KIRREL3: variants seen among roughly 807,000 people sequenced by gnomAD.
KIRREL3 encodes the protein kin of IRRE-like protein 3.
In KIRREL3, 36 loss-of-function variants were observed where a neutral mutation model predicts 89.7. The observed-to-expected ratio is 0.40, with a 90% CI of 0.31 to 0.53. The LOEUF is 0.53. Ranked by LOEUF, KIRREL3 falls within the 20% of genes least tolerant of loss-of-function variation. The pLI is 0.49. For synonymous variants in KIRREL3, 445 were observed against 441.4 expected (o/e 1.01, Z -0.10); for missense variants, 864 against 1,056.6 (o/e 0.82, Z 2.53).
At chr11:126,874,085 A>G (rs529002514) in intron 1 of KIRREL3, among the ~76,000 whole-genome samples, 6 of 152,202 alleles carry the variant, frequency 3.9e-5, no homozygotes, top group Admixed American at 6.5e-5. Flanking sequence ...CCTATCCCCA[A>G]CCGTTACTTA....
Position 126,977,148 on chromosome 11 carries a change from T to C in KIRREL3, c.55+23307A>G, listed in dbSNP as rs1487561090. 6.6e-6 allele frequency among the ~76,000 whole-genome samples: 1 copy of C among 152,198 alleles called. No homozygotes were observed. Among genetic ancestry groups the C allele is most frequent in the African/African-American group, 2.4e-5 (1 of 41,440 alleles). ...GGCTTCAGCTCCTTCTGGGTCTTAG[T>C]GTCACTTGGCACCTTTGTTACAGGC... On this transcript the variant is annotated intron_variant, in intron 1 of 16. Transcript: ENST00000525144. This position sits in a 1 kb window ranked among gnomAD's most constrained non-coding sequence, Gnocchi z 4.7.
rs560296897 is a variant in KIRREL3, at chr11:126,994,262, A to G, written c.55+6193T>C. On this transcript the variant is annotated intron_variant, in intron 1 of 16. Coordinates refer to ENST00000525144, the MANE Select transcript of KIRREL3 (RefSeq NM_032531.4). This position sits in a 1 kb window ranked among gnomAD's most constrained non-coding sequence, Gnocchi z 5.2. ...CGTGGGAAGGCTTCCAGATGCCAGG[A>G]AAAACCTGTCCAGGGGATGCAGGCA... 1.3e-5 allele frequency among the ~76,000 whole-genome samples: 2 copies of G among 152,270 alleles called. No homozygotes were observed. The highest frequency in any genetic ancestry group is 3.9e-4 in the East Asian group (2 of 5,178).
rs984625065 is a variant in KIRREL3, at chr11:126,724,411, G to A, written c.56-161499C>T. On this transcript the variant is annotated intron_variant, in intron 1 of 16. Transcript: ENST00000525144. This position sits in a 1 kb window ranked among gnomAD's most constrained non-coding sequence, Gnocchi z 4.3. Reference sequence around the variant, plus strand: ...TATTGTCATAGCTTGTATCTCTTATGGACAAGATGCAGAGTGAGTGAGCCA... The same window carrying A: ...TATTGTCATAGCTTGTATCTCTTATAGACAAGATGCAGAGTGAGTGAGCCA... 6.6e-6 allele frequency among the ~76,000 whole-genome samples: 1 copy of A among 152,134 alleles called. No individual in the cohort carries two copies. Among genetic ancestry groups the A allele is most frequent in the Non-Finnish European group, 1.5e-5 (1 of 68,026 alleles).
rs1236144989 is a variant in KIRREL3, at chr11:126,430,659, G to A, written c.1696+760C>T. ...CAGGCTGCCGAGTGGCAGAGGAGCA[G>A]ACCCATTCTGGTGATTCATTTTTTG... On this transcript the variant is annotated intron_variant, in intron 14 of 16. Transcript: ENST00000525144. The surrounding 1 kb of genome is among the most constrained non-coding windows in gnomAD (Gnocchi z 6.6). Among the ~76,000 whole-genome samples the A allele has an allele frequency of 6.6e-6, 1 of 152,132 alleles. No individual in the cohort carries two copies. The highest frequency in any genetic ancestry group is 1.5e-5 in the Non-Finnish European group (1 of 68,030).
intron 5 of KIRREL3, among the ~76,000 whole-genome samples, chr11:126,465,279 C>T (rs531305714): frequency 1.3e-5 from 2 of 152,272 alleles, no homozygotes; most frequent in Admixed American, 6.5e-5. Context: ...CTTATGAGGG[C>T]CCCGGAAGAC....
At position 126,642,529 on chromosome 11, in the gene KIRREL3, T is replaced by C. The variant is rs1944510603; in HGVS notation, c.56-79617A>G. ...TCCCCATCCCCTTTCCTCTGCCTTTTCCAAGCAAACTCTTACTCTAGGAAA... is the reference window on the plus strand; with the variant it reads ...TCCCCATCCCCTTTCCTCTGCCTTTCCCAAGCAAACTCTTACTCTAGGAAA... On this transcript the variant is annotated intron_variant, in intron 1 of 16. Transcript: ENST00000525144. This position sits in a 1 kb window ranked among gnomAD's most constrained non-coding sequence, Gnocchi z 4.9. 6.6e-6 allele frequency among the ~76,000 whole-genome samples: 1 copy of C among 152,230 alleles called. No individual in the cohort carries two copies. The highest frequency in any genetic ancestry group is 1.5e-5 in the Non-Finnish European group (1 of 68,042).
At position 126,432,931 on chromosome 11, in the gene KIRREL3, G is replaced by A. The variant is rs755928990; in HGVS notation, c.1589-1405C>T. ...TCTGGCTGTGACACCCAGGCTGGAG[G>A]GCAGTGGCACGATCTCAGTTCACTG... On this transcript the variant is annotated intron_variant, in intron 13 of 16. Coordinates refer to ENST00000525144, the MANE Select transcript of KIRREL3 (RefSeq NM_032531.4). This position sits in a 1 kb window ranked among gnomAD's most constrained non-coding sequence, Gnocchi z 6.2. Among the ~76,000 whole-genome samples the A allele has an allele frequency of 4.1e-4, 63 of 152,104 alleles. No homozygotes were observed. The highest frequency in any genetic ancestry group is 6.8e-4 in the Non-Finnish European group (46 of 68,018).
Position 126,489,261 on chromosome 11 carries a change from G to A in KIRREL3, c.434-15795C>T, listed in dbSNP as rs1266357147. 6.6e-6 allele frequency among the ~76,000 whole-genome samples: 1 copy of A among 152,138 alleles called. No individual in the cohort carries two copies. The highest frequency in any genetic ancestry group is 1.5e-5 in the Non-Finnish European group (1 of 68,020). ...CCTGGCTCGATGGGAGCTTCCTAAG[G>A]GAAGCAGCCCTGTCATGTTCCTCTT... On this transcript the variant is annotated intron_variant, in intron 4 of 16. Transcript: ENST00000525144. This position sits in a 1 kb window ranked among gnomAD's most constrained non-coding sequence, Gnocchi z 5.5.
intron 1 of KIRREL3, among the ~76,000 whole-genome samples, chr11:126,921,580 T>TTCTATCTA (rs201891981): frequency 0.01 from 328 of 32,494 alleles, 10 homozygotes; most frequent in South Asian, 0.012. Context: ...TATATCTGTC[T>TTCTATCTA]TCTATCTATC....
At chr11:126,507,074 C>G (rs1958044803) in intron 4 of KIRREL3, among the ~76,000 whole-genome samples, 2 of 152,158 alleles carry the variant, frequency 1.3e-5, no homozygotes, top group African/African-American at 4.8e-5. Context: ...ACAATACAGA[C>G]AAATCTCAAA....
intron 2 of KIRREL3, among the ~76,000 whole-genome samples, chr11:126,533,118 A>G (rs1030223539): frequency 1.3e-5 from 2 of 152,130 alleles, no homozygotes; most frequent in Admixed American, 6.5e-5. Flanking sequence ...GTAATAGGTA[A>G]CTTTTACAGA....
chr11:126,867,521 C>T lies in KIRREL3; in HGVS notation c.55+132934G>A, dbSNP rs977383206. ...CAGCCCTTTCTGATAAGTCACTTCC[C>T]CAAACTTCCATAGCACTTCAAGTCA... On this transcript the variant is annotated intron_variant, in intron 1 of 16. Transcript: ENST00000525144. The surrounding 1 kb of genome is among the most constrained non-coding windows in gnomAD (Gnocchi z 4.7). Among the ~76,000 whole-genome samples the T allele has an allele frequency of 6.6e-6, 1 of 152,222 alleles. No individual in the cohort carries two copies. The highest frequency in any genetic ancestry group is 1.5e-5 in the Non-Finnish European group (1 of 68,036).
rs61897901 is a variant in KIRREL3 at position 126,725,560 on chromosome 11, G to A, written c.56-162648C>T. ...GCTCATCCCCAAGCTGGCTGTCCCC[G>A]TTTTCTTCTGAGTGTGTTTGTGTGC... is the stretch of plus-strand genomic sequence containing the variant. On this transcript the variant is annotated intron_variant, in intron 1 of 16. Transcript: ENST00000525144. 5.0e-4 allele frequency among the ~76,000 whole-genome samples: 76 copies of A among 152,258 alleles called. 1 individual carries two copies. The highest frequency in any genetic ancestry group is 4.8e-4 in the African/African-American group (20 of 41,524).
rs958390811 is a variant in KIRREL3, at chr11:126,905,805, C to G, written c.55+94650G>C. On this transcript the variant is annotated intron_variant, in intron 1 of 16. Coordinates refer to ENST00000525144, the MANE Select transcript of KIRREL3 (RefSeq NM_032531.4). The surrounding 1 kb of genome is among the most constrained non-coding windows in gnomAD (Gnocchi z 5.0). ...TTCGGGCGGATGCCTAACGAGCACA[C>G]TGGGGAGAGCCTCCAGTGGGGACAT... Among the ~76,000 whole-genome samples the G allele has an allele frequency of 6.6e-6, 1 of 152,200 alleles. No homozygotes were observed. Among genetic ancestry groups the G allele is most frequent in the African/African-American group, 2.4e-5 (1 of 41,444 alleles).
Position 126,544,875 on chromosome 11 carries a change from G to C in KIRREL3, c.133+17960C>G, listed in dbSNP as rs1377953987. 6.6e-6 allele frequency among the ~76,000 whole-genome samples: 1 copy of C among 152,104 alleles called. No individual in the cohort carries two copies. Among genetic ancestry groups the C allele is most frequent in the African/African-American group, 2.4e-5 (1 of 41,404 alleles). On this transcript the variant is annotated intron_variant, in intron 2 of 16. Coordinates refer to ENST00000525144, the MANE Select transcript of KIRREL3 (RefSeq NM_032531.4). The surrounding 1 kb of genome is among the most constrained non-coding windows in gnomAD (Gnocchi z 5.6). ...GTCTGTCTTTGTTTGGCCATGCACT[G>C]TCTAAACTCCTCTAACCTATTTAGG...
chr11:126,976,872 T>G lies in KIRREL3; in HGVS notation c.55+23583A>C, dbSNP rs1949593115. Among the ~76,000 whole-genome samples, 1 of 152,192 alleles carries G rather than the reference T, an allele frequency of 6.6e-6. No individual in the cohort carries two copies. The highest frequency in any genetic ancestry group is 1.9e-4 in the East Asian group (1 of 5,190). On this transcript the variant is annotated intron_variant, in intron 1 of 16. Coordinates refer to ENST00000525144, the MANE Select transcript of KIRREL3 (RefSeq NM_032531.4). This position sits in a 1 kb window ranked among gnomAD's most constrained non-coding sequence, Gnocchi z 4.2. ...GCACTTAATCCTTGATCTGGGTGAC[T>G]CTAAACCACCAACTTGTATGATCTC... is the stretch of plus-strand genomic sequence containing the variant.
rs191292552 is a variant in KIRREL3 at position 126,641,282 on chromosome 11, G to T, written c.56-78370C>A. ...TCACCACTTCCTCTGCTACTTTCTT[G>T]GCCCGAGCCTCATCACTTGTTGCTC... On this transcript the variant is annotated intron_variant, in intron 1 of 16. Transcript: ENST00000525144. The surrounding 1 kb of genome is among the most constrained non-coding windows in gnomAD (Gnocchi z 5.0). 2.5e-3 allele frequency among the ~76,000 whole-genome samples: 386 copies of T among 151,848 alleles called. No homozygotes were observed. Among genetic ancestry groups the T allele is most frequent in the Non-Finnish European group, 4.2e-3 (285 of 67,964 alleles).
chr11:126,531,688 A>C lies in KIRREL3; in HGVS notation c.134-5001T>G, dbSNP rs1036783142. ...TTTCTCGTCTTCTCTCTATATTCTC[A>C]TCTTGCCTCTTTTTCATCAATTTCT... On this transcript the variant is annotated intron_variant, in intron 2 of 16. Transcript: ENST00000525144. The surrounding 1 kb of genome is among the most constrained non-coding windows in gnomAD (Gnocchi z 4.7). Among the ~76,000 whole-genome samples, 1 of 151,326 alleles carries C rather than the reference A, an allele frequency of 6.6e-6. No homozygotes were observed. Among genetic ancestry groups the C allele is most frequent in the African/African-American group, 2.4e-5 (1 of 41,090 alleles).
rs1006973017 is a variant in KIRREL3 at position 126,490,968 on chromosome 11, G to A, written c.434-17502C>T. Among the ~76,000 whole-genome samples, 10 of 152,228 alleles carry A rather than the reference G, an allele frequency of 6.6e-5. No homozygotes were observed. Among genetic ancestry groups the A allele is most frequent in the Non-Finnish European group, 1.2e-4 (8 of 68,038 alleles). On this transcript the variant is annotated intron_variant, in intron 4 of 16. Coordinates refer to ENST00000525144, the MANE Select transcript of KIRREL3 (RefSeq NM_032531.4). This position sits in a 1 kb window ranked among gnomAD's most constrained non-coding sequence, Gnocchi z 4.2. ...CACAGCCCACCTGCACGAGGAGGGG[G>A]CGTTTGGAGGGTGGAGGAGAGCCTG...
Sources: allele counts gnomAD v4.1 joint callset (sites outside exome capture counted in the v4.1 genomes callset), GRCh38; gene constraint gnomAD v4.1.1; non-coding constraint Gnocchi (gnomAD v3.1); transcripts MANE v1.5; gene names NCBI Gene and HGNC (gene_info 2026-07-23, HGNC 2026-07-21).